CTNND2: variants seen among roughly 807,000 people sequenced by gnomAD.
CTNND2 encodes the protein catenin delta 2, also known as catenin delta-2.
Under a neutral mutation model 144.4 loss-of-function variants are expected in CTNND2, and 22 were observed. The observed-to-expected ratio is 0.15, with a 90% CI of 0.11 to 0.22. The LOEUF is 0.22. Ranked by LOEUF, CTNND2 falls within the 10% of genes least tolerant of loss-of-function variation. The pLI, the probability that CTNND2 is intolerant of heterozygous loss-of-function variation, is 1.00. For synonymous variants in CTNND2, 751 were observed against 695.6 expected, an observed-to-expected ratio of 1.08 and a Z score of -1.25; for missense variants, 1,353 against 1,618.8, an observed-to-expected ratio of 0.84 and a Z score of 2.82.
intron 12 of CTNND2, 126 bp downstream of exon 12, chr5:11,159,450 C>A (rs1478699764): frequency 2.8e-6 from 2 of 725,212 alleles, no homozygotes; most frequent in East Asian, 2.8e-5. Context: ...TACTCCGTTG[C>A]CACATCAACA....
At chr5:11,546,679 A>C (rs1168012307) in intron 3 of CTNND2, among the ~76,000 whole-genome samples, 4 of 152,212 alleles carry the variant, frequency 2.6e-5, no homozygotes, top group Non-Finnish European at 4.4e-5. Flanking sequence ...ACAACGAACA[A>C]CACAAAACCT....
chr5:11,148,852 T>C (rs1023513681), intron 12 of CTNND2, among the ~76,000 whole-genome samples: 8 of 152,202 alleles, frequency 5.3e-5, no homozygotes, highest in Non-Finnish European at 1.0e-4. Context: ...CTGGCATTGG[T>C]TTCTTTGTGA....
chr5:11,683,870 G>A (rs564739818), intron 2 of CTNND2, among the ~76,000 whole-genome samples: 28 of 152,220 alleles, frequency 1.8e-4, no homozygotes, highest in Admixed American at 1.0e-3. Context: ...GTCCTGGAGC[G>A]CTGCCCATGT....
chr5:11,588,647 A>C (rs1283691433), intron 2 of CTNND2: 1 of 581,830 alleles, frequency 1.7e-6, no homozygotes, highest in Non-Finnish European at 2.2e-6. Context: ...CAGTTTTAAA[A>C]CTTTAGTTAA....
At chr5:11,792,257 C>T (rs1329332340) in intron 1 of CTNND2, among the ~76,000 whole-genome samples, 1 of 151,724 alleles carries the variant, frequency 6.6e-6, no homozygotes, top group African/African-American at 2.4e-5. Flanking sequence ...TTAGGCAATG[C>T]TGACTGATTT....
In CTNND2 at chr5:11,701,661, A is replaced by G. The variant is rs564124426; in HGVS notation, c.174+30475T>C. Among the ~76,000 whole-genome samples the G allele has an allele frequency of 1.3e-3, 190 of 151,934 alleles. 1 individual carries two copies. The highest frequency in any genetic ancestry group is 4.3e-3 in the African/African-American group (180 of 41,420). On this transcript the variant is annotated intron_variant, in intron 2 of 21. Transcript: ENST00000304623. ...CCCAAAAGAACATACTTATACATAC[A>G]TAAGTATAAGAAAGAATGAGAAAGA...
At chr5:11,381,687 A>G (rs2149794383) in intron 7 of CTNND2, among the ~76,000 whole-genome samples, 1 of 152,262 alleles carries the variant, frequency 6.6e-6, no homozygotes, top group South Asian at 2.1e-4. Flanking sequence ...AATATTGGGG[A>G]CCAGGTGTGG....
At chr5:11,206,290 A>C (rs1290140947) in intron 10 of CTNND2, among the ~76,000 whole-genome samples, 1 of 152,108 alleles carries the variant, frequency 6.6e-6, no homozygotes, top group East Asian at 1.9e-4. Context: ...GGTCAAATGC[A>C]CCTCAAAGCT....
intron 1 of CTNND2, among the ~76,000 whole-genome samples, chr5:11,778,276 C>T (rs1790360733): frequency 6.6e-6 from 1 of 152,038 alleles, no homozygotes; most frequent in African/African-American, 2.4e-5. Flanking sequence ...ACTTCATAGT[C>T]ACAGTCATCA....
intron 16 of CTNND2, among the ~76,000 whole-genome samples, chr5:11,030,886 C>G (rs917438439): frequency 1.7e-4 from 26 of 148,784 alleles, no homozygotes; most frequent in African/African-American, 6.2e-4. Flanking sequence ...AATGGGTTAT[C>G]TGGAAATCAG....
intron 18 of CTNND2, among the ~76,000 whole-genome samples, chr5:11,000,248 C>T (rs548874169): frequency 2.6e-5 from 4 of 152,316 alleles, no homozygotes; most frequent in South Asian, 4.1e-4. Context: ...TGTGGCTGAG[C>T]GCAGTGGCTC....
At chr5:11,710,120 C>T (rs183612954) in intron 2 of CTNND2, among the ~76,000 whole-genome samples, 3 of 152,044 alleles carry the variant, frequency 2.0e-5, no homozygotes, top group Admixed American at 2.0e-4. Flanking sequence ...ACTATGCATC[C>T]CAAGAGAAGG....
intron 11 of CTNND2, among the ~76,000 whole-genome samples, chr5:11,182,724 GC>G (rs1488153984): frequency 6.6e-6 from 1 of 152,194 alleles, no homozygotes; most frequent in Non-Finnish European, 1.5e-5. Context: ...GTAGCTGTGG[GC>G]TGTTGTCCTT....
intron 1 of CTNND2, among the ~76,000 whole-genome samples, chr5:11,882,523 C>T (rs1736199610): frequency 6.6e-6 from 1 of 152,028 alleles, no homozygotes; most frequent in Non-Finnish European, 1.5e-5. Flanking sequence ...ATAGTTTTCC[C>T]AGCAGCATTT....
intron 1 of CTNND2, among the ~76,000 whole-genome samples, chr5:11,842,056 T>C (rs570093866): frequency 7.9e-5 from 12 of 152,060 alleles, no homozygotes; most frequent in Non-Finnish European, 1.8e-4. Context: ...CTGGCTGATC[T>C]TGTAGACTAG....
intron 12 of CTNND2, among the ~76,000 whole-genome samples, chr5:11,118,789 C>G (rs1457503117): frequency 1.3e-5 from 2 of 152,156 alleles, no homozygotes; most frequent in Non-Finnish European, 2.9e-5. Flanking sequence ...TTCACAACAT[C>G]TTTTGCTGTT....
intron 1 of CTNND2, among the ~76,000 whole-genome samples, chr5:11,854,217 A>G (rs1413176453): frequency 6.6e-6 from 1 of 151,688 alleles, no homozygotes; most frequent in Non-Finnish European, 1.5e-5. Flanking sequence ...TAACTCCCTC[A>G]CCTCCTTTAC....
At chr5:11,116,771 C>T (rs1000147815) in intron 13 of CTNND2, among the ~76,000 whole-genome samples, 1 of 152,028 alleles carries the variant, frequency 6.6e-6, no homozygotes, top group Non-Finnish European at 1.5e-5. Flanking sequence ...TTATTCAAAT[C>T]GCAAATCTGG....
At chr5:11,192,868 T>C (rs1736447421) in intron 11 of CTNND2, among the ~76,000 whole-genome samples, 1 of 152,142 alleles carries the variant, frequency 6.6e-6, no homozygotes, top group Non-Finnish European at 1.5e-5. Flanking sequence ...AGATGACCAA[T>C]ACAAACTCCA....
Sources: allele counts gnomAD v4.1 joint callset (sites outside exome capture counted in the v4.1 genomes callset), GRCh38; gene constraint gnomAD v4.1.1; transcripts MANE v1.5; gene names NCBI Gene and HGNC (gene_info 2026-07-23, HGNC 2026-07-21).